The following WSB1 variants were observed in gnomAD, a reference collection of about 807,000 sequenced individuals.
The protein encoded by WSB1 is WD repeat and SOCS box containing 1.
WSB1 carries 23 observed loss-of-function variants against 50.2 expected under a neutral mutation model. The ratio of observed to expected loss-of-function variants is 0.46; its 90% CI spans 0.33 to 0.65. The LOEUF (loss-of-function observed/expected upper bound fraction) is 0.65, where lower values mean the gene tolerates loss of function less well. WSB1 is among the 30% of genes least tolerant of loss of function. The probability of loss-of-function intolerance (pLI) is 0.02; values close to 1 mark genes in which losing one functional copy is unlikely to be tolerated. For synonymous variants in WSB1, 179 were observed against 172.0 expected (o/e 1.04, Z -0.32); for missense variants, 492 against 522.3 (o/e 0.94, Z 0.56).
chr17:27,311,713 C>A, intron 8 of WSB1, 97 bp downstream of exon 8: 2 of 887,410 alleles, frequency 2.3e-6, no homozygotes, highest in Non-Finnish European at 3.2e-6. Context: ...CTCACTGTAG[C>A]CTCCGTCTTC....
At position 27,294,278 on chromosome 17, in the gene WSB1, C is replaced by G; in HGVS notation, c.-118C>G. On this transcript the variant is annotated 5_prime_UTR_variant, in exon 1 of 9. Transcript: ENST00000262394. ...AGCCGCAGCGGCCGCCCCCGCCCGT[C>G]TCCTCTGTCCCTGGGCCCGGGAGGG... is the stretch of plus-strand genomic sequence containing the variant. 1 of 1,392,438 alleles carries G rather than the reference C, an allele frequency of 7.2e-7. No individual in the cohort carries two copies. Among genetic ancestry groups the G allele is most frequent in the Non-Finnish European group, 9.7e-7 (1 of 1,026,704 alleles). 86.3% of individuals were successfully genotyped at this position (1,392,438 alleles called of 1,614,324 possible).
intron 6 of WSB1, among the ~76,000 whole-genome samples, 186 bp from the exon 7 acceptor site, chr17:27,309,875 C>A (rs2017604822): frequency 6.6e-6 from 1 of 152,170 alleles, no homozygotes; most frequent in Non-Finnish European, 1.5e-5. Context: ...GCCACTGCGC[C>A]CGACCATAAA....
At chr17:27,302,424 A>C (rs1312166755) in intron 2 of WSB1, 1 of 152,920 alleles carries the variant, frequency 6.5e-6, no homozygotes, top group Non-Finnish European at 1.5e-5. Flanking sequence ...AAAAAAAAAA[A>C]AAAAAGAATT....
intron 5 of WSB1, chr17:27,308,366 T>G: frequency 1.0e-6 from 1 of 985,402 alleles, no homozygotes. Context: ...GAATCTAAAA[T>G]TGTATATGAA....
At chr17:27,296,741 A>G (rs1033770402) in intron 1 of WSB1, among the ~76,000 whole-genome samples, 5 of 152,226 alleles carry the variant, frequency 3.3e-5, no homozygotes, top group Admixed American at 3.3e-4. Flanking sequence ...GTAGTGTTGT[A>G]TCTTACGGCT....
At chr17:27,311,928 G>A (rs149214679) in intron 8 of WSB1, among the ~76,000 whole-genome samples, 2 of 152,072 alleles carry the variant, frequency 1.3e-5, no homozygotes, top group Non-Finnish European at 2.9e-5. Context: ...GATTACAGGC[G>A]TGAGCCACCA....
Position 27,304,787 on chromosome 17 carries a change from C to T in WSB1, c.486C>T (p.Leu162=). 6.2e-7 allele frequency: 1 copy of T among 1,612,656 alleles called. No individual in the cohort carries two copies. The highest frequency in any genetic ancestry group is 8.5e-7 in the Non-Finnish European group (1 of 1,179,416). ...IKIWDVYTGK[L]LLNLVDHTEV... ...CTTTTCTATCATATTTAGGAAAACTCCTCCTTAACTTGGTAGATCATACTG... is the reference window on the plus strand; with the variant it reads ...CTTTTCTATCATATTTAGGAAAACTTCTCCTTAACTTGGTAGATCATACTG... The change falls in exon 4 of 9, where the codon CTC becomes CTT. Residue 162 remains leucine (L), a synonymous_variant. Coordinates refer to ENST00000262394, the MANE Select transcript of WSB1 (RefSeq NM_015626.10).
In WSB1 at chr17:27,311,630, T is replaced by TAA; in HGVS notation, c.1106+14_1106+15insAA. On this transcript the variant is annotated intron_variant, in intron 8 of 8. Transcript: ENST00000262394. Reference sequence around the variant, plus strand: ...TTTAGCTGCTGGGTAAATATATTTTTCTCTTTTTTTTTTTTTTTTTTTTTT... The same window carrying TAA: ...TTTAGCTGCTGGGTAAATATATTTTTAACTCTTTTTTTTTTTTTTTTTTTTTT... The TAA allele has an allele frequency of 2.1e-6, 3 of 1,427,364 alleles. No homozygotes were observed. The highest frequency in any genetic ancestry group is 1.9e-6 in the Non-Finnish European group (2 of 1,057,306). 88.4% of individuals were successfully genotyped at this position (1,427,364 alleles called of 1,614,324 possible). A position where few individuals can be genotyped will look rare whatever the true frequency, so the allele number is the denominator to read the frequency against.
chr17:27,294,204 C>G lies in WSB1; in HGVS notation c.-192C>G. 3.2e-6 allele frequency: 2 copies of G among 615,766 alleles called. No homozygotes were observed. Among genetic ancestry groups the G allele is most frequent in the South Asian group, 4.1e-5 (2 of 48,358 alleles). The allele number at this position is 615,766 out of a possible 1,614,324, so 38.1% of individuals were successfully genotyped here. On this transcript the variant is annotated 5_prime_UTR_variant, in exon 1 of 9. Transcript: ENST00000262394. ...AGGGTCTATTGTCTGTGGTTGACTC[C>G]GTACTTTGGTCTGAGGCCTTCGGGA...
intron 1 of WSB1, among the ~76,000 whole-genome samples, chr17:27,300,156 G>A (rs1178375163): frequency 6.8e-6 from 1 of 147,086 alleles, no homozygotes; most frequent in Non-Finnish European, 1.5e-5. Context: ...GGCTGAAGAA[G>A]TACATTTTGG....
intron 3 of WSB1, 196 bp downstream of exon 3, chr17:27,303,831 A>AAAGT: frequency 3.2e-6 from 2 of 633,636 alleles, no homozygotes; most frequent in Non-Finnish European, 5.3e-6. Context: ...TGGAGTTCAT[A>AAAGT]TTGCTTCATC....
Position 27,307,041 on chromosome 17 carries a change from A to G in WSB1, c.711+159A>G. 3 of 688,294 alleles carry G rather than the reference A, an allele frequency of 4.4e-6. No individual in the cohort carries two copies. The South Asian group carries it at 6.0e-5, about 14-fold the overall frequency. The allele number at this position is 688,294 out of a possible 1,614,324, so 42.6% of individuals were successfully genotyped here. ...GGGGAGAATTTGCATGAAGGAAATTAAATATAGTTATTGATTGCCAAGTGA... is the reference window on the plus strand; with the variant it reads ...GGGGAGAATTTGCATGAAGGAAATTGAATATAGTTATTGATTGCCAAGTGA... On this transcript the variant is annotated intron_variant, in intron 5 of 8. Transcript: ENST00000262394.
At chr17:27,305,282 T>C (rs2017401030) in intron 4 of WSB1, among the ~76,000 whole-genome samples, 1 of 152,228 alleles carries the variant, frequency 6.6e-6, no homozygotes, top group African/African-American at 2.4e-5. Flanking sequence ...TTTAGGTAGG[T>C]CTTGAAGTAA....
At chr17:27,308,678 G>C (rs1326433994) in intron 5 of WSB1, 2 of 986,456 alleles carry the variant, frequency 2.0e-6, no homozygotes, top group Non-Finnish European at 2.4e-6. Context: ...GTAACAATTT[G>C]TTAACCTTAC....
intron 1 of WSB1, among the ~76,000 whole-genome samples, chr17:27,301,250 T>G (rs2017217756): frequency 6.6e-6 from 1 of 152,174 alleles, no homozygotes; most frequent in Non-Finnish European, 1.5e-5. Context: ...CTGAGGGTTT[T>G]GTGATTTTTG....
chr17:27,303,831 A>G (rs1211928843), intron 3 of WSB1, 196 bp downstream of exon 3: 1 of 633,636 alleles, frequency 1.6e-6, no homozygotes, highest in African/African-American at 1.8e-5. Flanking sequence ...TGGAGTTCAT[A>G]TTGCTTCATC....
intron 7 of WSB1, 91 bp downstream of exon 7, chr17:27,310,265 C>G: frequency 8.8e-7 from 1 of 1,137,938 alleles, no homozygotes; most frequent in Non-Finnish European, 1.3e-6. Flanking sequence ...GTTTTAATGT[C>G]TCTTCCTCAA....
At chr17:27,304,209 AG>A (rs1382121949) in intron 3 of WSB1, among the ~76,000 whole-genome samples, 1 of 152,218 alleles carries the variant, frequency 6.6e-6, no homozygotes, top group Non-Finnish European at 1.5e-5. Context: ...ATACTAACAT[AG>A]GTGATAATGA....
At chr17:27,305,011 G>C in intron 4 of WSB1, 100 bp downstream of exon 4, 1 of 1,465,012 alleles carries the variant, frequency 6.8e-7, no homozygotes, top group Non-Finnish European at 9.3e-7. Flanking sequence ...AAAATGACAT[G>C]TGATCAAAGT....
Sources: gnomAD v4.1 joint callset for allele counts (sites outside exome capture counted in the v4.1 genomes callset) on GRCh38, gnomAD v4.1.1 for gene constraint, MANE v1.5 for transcripts, NCBI Gene and HGNC (gene_info 2026-07-23, HGNC 2026-07-21) for gene names.